Variants in HS3ST4 observed in about 807,000 individuals in gnomAD.
HS3ST4 encodes the protein heparan sulfate glucosamine 3-O-sulfotransferase 4.
Under a neutral mutation model 29.2 loss-of-function variants are expected in HS3ST4, and 17 were observed. The observed-to-expected ratio is 0.58, with a 90% CI of 0.40 to 0.87. HS3ST4 has a LOEUF of 0.87. Among genes scored for constraint, HS3ST4 ranks in the 40% least tolerant of loss-of-function variants. HS3ST4 has a pLI of 0.00. For missense variants in HS3ST4, 627 were observed against 634.5 expected (o/e 0.99, Z 0.13); for synonymous variants, 314 against 285.7 (o/e 1.10, Z -1.00).
intron 1 of HS3ST4, among the ~76,000 whole-genome samples, chr16:26,093,716 T>C (rs528525945): frequency 6.6e-6 from 1 of 152,266 alleles, no homozygotes; most frequent in African/African-American, 2.4e-5. Flanking sequence ...CTCCAAAGGA[T>C]CGCAGCTCCT....
chr16:25,780,283 T>C (rs924216984), intron 1 of HS3ST4, among the ~76,000 whole-genome samples: 2 of 152,148 alleles, frequency 1.3e-5, no homozygotes, highest in African/African-American at 4.8e-5. Context: ...ATAATAATGG[T>C]CCCATTTGAC....
chr16:25,836,116 A>G (rs970293350), intron 1 of HS3ST4, among the ~76,000 whole-genome samples: 1 of 152,172 alleles, frequency 6.6e-6, no homozygotes, highest in Admixed American at 6.5e-5. Context: ...GAAGGGCATG[A>G]TGTTCCCAGG....
At chr16:25,740,885 T>G (rs1004175732) in intron 1 of HS3ST4, among the ~76,000 whole-genome samples, 1 of 152,186 alleles carries the variant, frequency 6.6e-6, no homozygotes, top group Non-Finnish European at 1.5e-5. Context: ...CTTTTTAATC[T>G]TATTTGCTAA....
intron 1 of HS3ST4, among the ~76,000 whole-genome samples, chr16:26,038,574 T>C (rs900530726): frequency 6.6e-6 from 1 of 152,210 alleles, no homozygotes; most frequent in Admixed American, 6.5e-5. Context: ...CCCACACCCC[T>C]GAGCCTCTGC....
chr16:25,918,577 C>T (rs536151041), intron 1 of HS3ST4, among the ~76,000 whole-genome samples: 1 of 152,304 alleles, frequency 6.6e-6, no homozygotes, highest in Non-Finnish European at 1.5e-5. Flanking sequence ...GAAGGATGAG[C>T]AGGTGTGGTT....
intron 1 of HS3ST4, among the ~76,000 whole-genome samples, chr16:25,731,555 CA>C (rs1286302158): frequency 6.6e-6 from 1 of 152,024 alleles, no homozygotes; most frequent in African/African-American, 2.4e-5. Flanking sequence ...TGCCCAGGCT[CA>C]TCTTGAGCTC....
intron 1 of HS3ST4, among the ~76,000 whole-genome samples, chr16:25,730,465 C>T (rs925233282): frequency 4.2e-5 from 6 of 141,866 alleles, no homozygotes; most frequent in East Asian, 2.1e-4. Flanking sequence ...TCCTTCCTTC[C>T]TTCTCCTTCC....
At chr16:25,936,126 T>C (rs1400155526) in intron 1 of HS3ST4, among the ~76,000 whole-genome samples, 1 of 152,212 alleles carries the variant, frequency 6.6e-6, no homozygotes, top group Non-Finnish European at 1.5e-5. Context: ...ATCTCCATGA[T>C]GGTCCTGTTG....
At chr16:25,986,170 C>G (rs576922129) in intron 1 of HS3ST4, among the ~76,000 whole-genome samples, 9 of 152,318 alleles carry the variant, frequency 5.9e-5, no homozygotes, top group African/African-American at 2.2e-4. Flanking sequence ...TAATAATTAT[C>G]TCTACCTAAC....
chr16:26,003,563 G>A (rs890227936), intron 1 of HS3ST4, among the ~76,000 whole-genome samples: 1 of 152,182 alleles, frequency 6.6e-6, no homozygotes, highest in Non-Finnish European at 1.5e-5. Flanking sequence ...GATGCCCCCA[G>A]TTTAGCAATC....
chr16:25,910,447 C>A (rs1433696786), intron 1 of HS3ST4, among the ~76,000 whole-genome samples: 1 of 152,046 alleles, frequency 6.6e-6, no homozygotes, highest in Non-Finnish European at 1.5e-5. Flanking sequence ...TTGAGACCAA[C>A]CTGGCCAATA....
chr16:25,987,778 T>A (rs1056395064), intron 1 of HS3ST4, among the ~76,000 whole-genome samples: 1 of 100,844 alleles, frequency 9.9e-6, no homozygotes, highest in African/African-American at 3.0e-5. Flanking sequence ...ATTAATTGAT[T>A]TTTTTTTTTG....
rs181496014 is a variant in HS3ST4, at chr16:25,699,779, G to T, written c.734+6628G>T. On this transcript the variant is annotated intron_variant, in intron 1 of 1. Coordinates refer to ENST00000331351, the MANE Select transcript of HS3ST4 (RefSeq NM_006040.3). ...TGTATGTCTGAGCCAGAATCTATTG[G>T]ACAAATTACTTAATATAGCTAAGCC... Among the ~76,000 whole-genome samples the T allele has an allele frequency of 5.9e-5, 9 of 152,308 alleles. No homozygotes were observed. The East Asian group carries it at 1.7e-3, about 29-fold the overall frequency.
At chr16:25,706,334 C>T (rs1463082303) in intron 1 of HS3ST4, among the ~76,000 whole-genome samples, 1 of 152,118 alleles carries the variant, frequency 6.6e-6, no homozygotes, top group East Asian at 1.9e-4. Context: ...GGTGTATTAA[C>T]TTTCCACCTT....
chr16:25,912,043 C>T (rs757205510), intron 1 of HS3ST4, among the ~76,000 whole-genome samples: 2 of 152,098 alleles, frequency 1.3e-5, no homozygotes, highest in Non-Finnish European at 2.9e-5. Context: ...GGCTAAGAGA[C>T]CTGCTGATTT....
chr16:25,821,734 C>T lies in HS3ST4; in HGVS notation c.734+128583C>T, dbSNP rs188160208. Among the ~76,000 whole-genome samples the T allele has an allele frequency of 2.2e-3, 331 of 152,160 alleles. 1 individual carries two copies. The highest frequency in any genetic ancestry group is 7.8e-3 in the African/African-American group (322 of 41,520). Reference sequence around the variant, plus strand: ...CTGAGCTCAGGAGTTTGAGACCAGCCTGGGCAACACAGTGAAATCCTGTCT... The same window carrying T: ...CTGAGCTCAGGAGTTTGAGACCAGCTTGGGCAACACAGTGAAATCCTGTCT... On this transcript the variant is annotated intron_variant, in intron 1 of 1. Transcript: ENST00000331351.
chr16:26,089,442 A>G (rs561966587), intron 1 of HS3ST4, among the ~76,000 whole-genome samples: 2 of 152,302 alleles, frequency 1.3e-5, no homozygotes, highest in South Asian at 4.1e-4. Flanking sequence ...CAGGAGCCGT[A>G]GAGATTAGGG....
chr16:26,079,116 G>A (rs1455998376), intron 1 of HS3ST4, among the ~76,000 whole-genome samples: 3 of 152,186 alleles, frequency 2.0e-5, no homozygotes, highest in African/African-American at 7.2e-5. Flanking sequence ...GGGTGCCACT[G>A]TCAACATTTC....
chr16:26,015,916 G>A (rs1969358274), intron 1 of HS3ST4, among the ~76,000 whole-genome samples: 1 of 152,074 alleles, frequency 6.6e-6, no homozygotes, highest in Admixed American at 6.6e-5. Flanking sequence ...TCAAGGTATA[G>A]AGACATTTTT....
Sources: allele counts gnomAD v4.1 joint callset (sites outside exome capture counted in the v4.1 genomes callset), GRCh38; gene constraint gnomAD v4.1.1; transcripts MANE v1.5; gene names NCBI Gene and HGNC (gene_info 2026-07-23, HGNC 2026-07-21).